The following ADK variants were observed in gnomAD, a reference collection of about 807,000 sequenced individuals.
The protein encoded by ADK is N6,N6-dimethyladenosine kinase.
ADK carries 24 observed loss-of-function variants against 44.7 expected under a neutral mutation model. That is an observed-to-expected ratio of 0.54 (90% confidence interval 0.39 to 0.76). The LOEUF (loss-of-function observed/expected upper bound fraction) is 0.76, where lower values mean the gene tolerates loss of function less well. Among genes scored for constraint, ADK ranks in the 30% least tolerant of loss-of-function variants. The pLI is 0.00. For missense variants in ADK, 321 were observed against 425.1 expected (o/e 0.76, Z 2.15); for synonymous variants, 128 against 142.6 (o/e 0.90, Z 0.73).
intron 2 of ADK, among the ~76,000 whole-genome samples, chr10:74,212,753 A>G (rs956157922): frequency 6.6e-6 from 1 of 152,192 alleles, no homozygotes; most frequent in Admixed American, 6.5e-5. Context: ...TAGTGGATCA[A>G]TAGATTTGAG....
chr10:74,224,211 A>C (rs1844435284), intron 2 of ADK, among the ~76,000 whole-genome samples: 1 of 152,254 alleles, frequency 6.6e-6, no homozygotes, highest in Admixed American at 6.5e-5. Context: ...TTTACATATT[A>C]TTTGTGAAGT....
At chr10:74,464,272 C>T (rs551283457) in intron 6 of ADK, among the ~76,000 whole-genome samples, 118 of 152,250 alleles carry the variant, frequency 7.8e-4, no homozygotes, top group African/African-American at 2.5e-3. Flanking sequence ...TCTAGCTGAG[C>T]ACAGTGGCTC....
chr10:74,670,499 T>G (rs981104883), intron 10 of ADK, among the ~76,000 whole-genome samples: 1 of 152,214 alleles, frequency 6.6e-6, no homozygotes, highest in Admixed American at 6.5e-5. Flanking sequence ...CCCCAGTCAT[T>G]TTCACAAGAT....
chr10:74,325,848 T>A (rs1305688595), intron 4 of ADK, among the ~76,000 whole-genome samples: 2 of 152,122 alleles, frequency 1.3e-5, no homozygotes, highest in Non-Finnish European at 2.9e-5. Flanking sequence ...ATCTTGTTAA[T>A]GTGCTGGCTT....
intron 9 of ADK, among the ~76,000 whole-genome samples, chr10:74,640,701 C>T (rs544307415): frequency 4.2e-4 from 64 of 152,292 alleles, no homozygotes; most frequent in African/African-American, 1.4e-3. Context: ...CCCTCTGTAG[C>T]GTGAAAACAG....
At chr10:74,478,774 A>G (rs146267947) in intron 6 of ADK, among the ~76,000 whole-genome samples, 4 of 152,212 alleles carry the variant, frequency 2.6e-5, no homozygotes, top group African/African-American at 9.6e-5. Flanking sequence ...GCTAATACAC[A>G]TTTATTGAAT....
chr10:74,502,074 G>A (rs111405316), intron 6 of ADK, among the ~76,000 whole-genome samples: 4,568 of 152,030 alleles, frequency 0.03, 198 homozygotes, highest in African/African-American at 0.092. Flanking sequence ...CCAATCTCCT[G>A]TTTTTCACAA....
chr10:74,482,012 G>C (rs571838517), intron 6 of ADK, among the ~76,000 whole-genome samples: 1 of 152,260 alleles, frequency 6.6e-6, no homozygotes, highest in Admixed American at 6.5e-5. Flanking sequence ...GTCACTTTCA[G>C]CTGTTAAGGA....
intron 6 of ADK, among the ~76,000 whole-genome samples, chr10:74,491,692 C>T (rs1025865548): frequency 3.3e-5 from 5 of 152,102 alleles, no homozygotes; most frequent in African/African-American, 1.2e-4. Flanking sequence ...GTTTGTCTTA[C>T]CAATAATTTG....
intron 4 of ADK, among the ~76,000 whole-genome samples, chr10:74,362,116 A>G (rs1224872552): frequency 6.6e-6 from 1 of 152,162 alleles, no homozygotes; most frequent in Non-Finnish European, 1.5e-5. Context: ...TTTTTCAGGT[A>G]TGGAAAGTTT....
chr10:74,569,551 G>C (rs1300510233), intron 7 of ADK, among the ~76,000 whole-genome samples: 1 of 152,158 alleles, frequency 6.6e-6, no homozygotes, highest in East Asian at 1.9e-4. Context: ...TTTTTCATGT[G>C]TCTTTTGGCT....
chr10:74,423,434 T>C (rs1844643693), intron 6 of ADK: 2 of 174,818 alleles, frequency 1.1e-5, no homozygotes, highest in Admixed American at 1.3e-4. Context: ...AGGGGCTCAG[T>C]TGCTGCAGCA....
chr10:74,253,103 G>T (rs145990872), intron 3 of ADK, among the ~76,000 whole-genome samples: 1 of 152,182 alleles, frequency 6.6e-6, no homozygotes, highest in Non-Finnish European at 1.5e-5. Context: ...GGCTCAGCCC[G>T]TGAGGGTTCT....
rs1851635720 is a variant in ADK at position 74,589,266 on chromosome 10, T to A, written c.727-16T>A. 1.2e-6 allele frequency: 2 copies of A among 1,612,954 alleles called. No homozygotes were observed. Among genetic ancestry groups the A allele is most frequent in the East Asian group, 4.5e-5 (2 of 44,868 alleles). On this transcript the variant is annotated splice_polypyrimidine_tract_variant and intron_variant, in intron 7 of 10. Transcript: ENST00000539909. Reference sequence around the variant, plus strand: ...AGCACTTTATAATTAACTGTTCTTTTTTTTTTTTATTTCAGGAAGCTGCCA... The same window carrying A: ...AGCACTTTATAATTAACTGTTCTTTATTTTTTTTATTTCAGGAAGCTGCCA...
intron 3 of ADK, among the ~76,000 whole-genome samples, chr10:74,238,949 C>T (rs1036161965): frequency 4.0e-5 from 6 of 149,544 alleles, no homozygotes; most frequent in African/African-American, 7.4e-5. Flanking sequence ...CAACCTCCAC[C>T]TTCCAGTTTC....
At position 74,398,488 on chromosome 10, in the gene ADK, T is replaced by C; in HGVS notation, c.464T>C (p.Leu155Pro). The C allele has an allele frequency of 6.2e-7, 1 of 1,611,414 alleles. No individual in the cohort carries two copies. The highest frequency in any genetic ancestry group is 8.5e-7 in the Non-Finnish European group (1 of 1,178,152). ...TGTTTTAGGTCCCTCATAGCTAATC[T>C]TGCTGCTGCCAATTGTTATAAAAAG... ...TGDNRSLIAN[L>P]AAANCYKKEK... The change falls in exon 6 of 11, where the codon CTT (leucine) becomes CCT (proline). Residue 155 changes from leucine to proline, a missense_variant. Leu to Pro is a moderately conservative substitution (Grantham distance 98). Coordinates refer to ENST00000539909, the MANE Select transcript of ADK (RefSeq NM_006721.4).
At chr10:74,678,774 C>T (rs1188141784) in intron 10 of ADK, among the ~76,000 whole-genome samples, 1 of 152,160 alleles carries the variant, frequency 6.6e-6, no homozygotes, top group East Asian at 1.9e-4. Flanking sequence ...TTTTCTTAAA[C>T]AGAATTGTGA....
intron 1 of ADK, among the ~76,000 whole-genome samples, chr10:74,155,426 G>C (rs184830509): frequency 5.9e-4 from 89 of 152,062 alleles, no homozygotes; most frequent in Admixed American, 1.0e-3. Context: ...AAAGTGCTGG[G>C]ATTACACGTG....
chr10:74,336,428 A>T (rs1013362024), intron 4 of ADK, among the ~76,000 whole-genome samples: 2 of 151,950 alleles, frequency 1.3e-5, no homozygotes, highest in African/African-American at 4.8e-5. Flanking sequence ...CTGTAGCTTA[A>T]TGTGTTTGTT....
Sources: allele counts gnomAD v4.1 joint callset (sites outside exome capture counted in the v4.1 genomes callset), GRCh38; gene constraint gnomAD v4.1.1; transcripts MANE v1.5; gene names NCBI Gene and HGNC (gene_info 2026-07-23, HGNC 2026-07-21).